UGT8: variants seen among roughly 807,000 people sequenced by gnomAD.
The protein encoded by UGT8 is UDP glycosyltransferase 8, also known as 2-hydroxyacylsphingosine 1-beta-galactosyltransferase.
In UGT8, 12 loss-of-function variants were observed where a neutral mutation model predicts 40.5. The ratio of observed to expected loss-of-function variants is 0.30; its 90% CI spans 0.19 to 0.48. The LOEUF (loss-of-function observed/expected upper bound fraction) is 0.48. Ranked by LOEUF, UGT8 falls within the 20% of genes least tolerant of loss-of-function variation. The probability of loss-of-function intolerance (pLI) is 0.99; values close to 1 mark genes in which losing one functional copy is unlikely to be tolerated. For missense variants in UGT8, 513 were observed against 648.7 expected (o/e 0.79, Z 2.27); for synonymous variants, 224 against 240.4 (o/e 0.93, Z 0.63).
chr4:114,652,583 C>G (rs1369132517), intron 2 of UGT8, among the ~76,000 whole-genome samples: 2 of 151,876 alleles, frequency 1.3e-5, no homozygotes, highest in Non-Finnish European at 1.5e-5. Flanking sequence ...CAAAGACATA[C>G]CTCTATTACA....
At chr4:114,601,773 C>T (rs1730456338) in intron 1 of UGT8, among the ~76,000 whole-genome samples, 1 of 150,854 alleles carries the variant, frequency 6.6e-6, no homozygotes, top group African/African-American at 2.4e-5. Flanking sequence ...TAAATGGTCT[C>T]AGCCTGCTGG....
chr4:114,616,686 G>A (rs912481062), intron 1 of UGT8, among the ~76,000 whole-genome samples: 8 of 152,102 alleles, frequency 5.3e-5, no homozygotes, highest in South Asian at 2.1e-4. Flanking sequence ...CGTCTTCTGC[G>A]TCACTCATGC....
chr4:114,630,435 C>G (rs896325866), intron 2 of UGT8, among the ~76,000 whole-genome samples: 8 of 152,164 alleles, frequency 5.3e-5, no homozygotes, highest in Non-Finnish European at 1.5e-5. Context: ...TACTCTATTA[C>G]TCTTATTATT....
chr4:114,628,342 G>T (rs1327180168), intron 2 of UGT8, among the ~76,000 whole-genome samples: 1 of 152,184 alleles, frequency 6.6e-6, no homozygotes, highest in East Asian at 1.9e-4. Flanking sequence ...GTTTCGATAT[G>T]TTGGCCAGGA....
chr4:114,633,485 G>A (rs1645418356), intron 2 of UGT8, among the ~76,000 whole-genome samples: 1 of 152,210 alleles, frequency 6.6e-6, no homozygotes, highest in African/African-American at 2.4e-5. Context: ...AGAAAGATCA[G>A]TGGGGGCTGA....
At chr4:114,644,030 CT>C (rs1408948750) in intron 2 of UGT8, among the ~76,000 whole-genome samples, 1 of 151,736 alleles carries the variant, frequency 6.6e-6, no homozygotes, top group Non-Finnish European at 1.5e-5. Flanking sequence ...GCCATGGTGC[CT>C]TTCTTCTCTG....
chr4:114,668,064 T>A (rs2126135565), intron 4 of UGT8, 21 bp from the exon 5 acceptor site: 1 of 1,610,172 alleles, frequency 6.2e-7, no homozygotes, highest in East Asian at 2.2e-5. Context: ...GTAAGTTGTT[T>A]TCTTTTTCAT....
chr4:114,628,197 T>C (rs1267593652), intron 2 of UGT8, among the ~76,000 whole-genome samples: 1 of 152,134 alleles, frequency 6.6e-6, no homozygotes, highest in Non-Finnish European at 1.5e-5. Flanking sequence ...TGAAGTGCAG[T>C]GGCATGATCT....
At chr4:114,651,604 T>A (rs1025256601) in intron 2 of UGT8, among the ~76,000 whole-genome samples, 2 of 152,120 alleles carry the variant, frequency 1.3e-5, no homozygotes, top group Non-Finnish European at 2.9e-5. Context: ...CTCTTTAACA[T>A]GCTCACTGTT....
At chr4:114,646,055 G>A (rs990880020) in intron 2 of UGT8, among the ~76,000 whole-genome samples, 2 of 152,112 alleles carry the variant, frequency 1.3e-5, no homozygotes, top group Non-Finnish European at 2.9e-5. Flanking sequence ...GTATTGCAGA[G>A]TATCTATTTA....
At chr4:114,655,307 C>T (rs969874489) in intron 2 of UGT8, among the ~76,000 whole-genome samples, 1 of 151,882 alleles carries the variant, frequency 6.6e-6, no homozygotes, top group Non-Finnish European at 1.5e-5. Flanking sequence ...ATATGCATGC[C>T]ATTGCAGACC....
Position 114,623,032 on chromosome 4 carries a change from A to G in UGT8, c.152A>G (p.His51Arg), listed in dbSNP as rs370760289. ...TCAGCCTTGCACGAGAGAGGCCACCATACAGTGTTCCTCCTCTCTGAAGGC... is the reference window on the plus strand; with the variant it reads ...TCAGCCTTGCACGAGAGAGGCCACCGTACAGTGTTCCTCCTCTCTGAAGGC... Reference protein sequence around the residue: ...LASALHERGHHTVFLLSEGRD... With the variant: ...LASALHERGHRTVFLLSEGRD... Residue 51 changes from histidine to arginine, a missense_variant, in exon 2 of 6, where the codon CAT (histidine) becomes CGT (arginine). His to Arg is a conservative substitution (Grantham distance 29). This residue lies in a region of UGT8 where 335 missense variants were observed against 444.8 expected (regional missense o/e 0.75). Transcript: ENST00000310836. 1.2e-6 allele frequency: 2 copies of G among 1,614,092 alleles called. No individual in the cohort carries two copies. The highest frequency in any genetic ancestry group is 2.2e-5 in the East Asian group (1 of 44,862).
chr4:114,620,193 A>C (rs1238490515), intron 1 of UGT8, among the ~76,000 whole-genome samples: 1 of 152,192 alleles, frequency 6.6e-6, no homozygotes, highest in Non-Finnish European at 1.5e-5. Context: ...AAGTAGTTTT[A>C]ACTGTAACTG....
intron 3 of UGT8, among the ~76,000 whole-genome samples, chr4:114,664,894 T>C (rs1413077548): frequency 1.3e-5 from 2 of 152,192 alleles, no homozygotes; most frequent in East Asian, 3.9e-4. Context: ...CTTTGAGTAA[T>C]AGAGATTTTC....
chr4:114,633,954 G>A (rs76887674), intron 2 of UGT8, among the ~76,000 whole-genome samples: 35 of 151,886 alleles, frequency 2.3e-4, no homozygotes, highest in Non-Finnish European at 4.7e-4. Context: ...AAAAAAAAAG[G>A]ATCACTCTGG....
chr4:114,614,840 C>CTT (rs68162513), intron 1 of UGT8, among the ~76,000 whole-genome samples: 178 of 98,476 alleles, frequency 1.8e-3, no homozygotes, highest in African/African-American at 5.8e-3. Context: ...AGGTGCCAGA[C>CTT]TTTTTTTTTT....
chr4:114,652,172 G>A (rs373266382), intron 2 of UGT8, among the ~76,000 whole-genome samples: 2 of 152,058 alleles, frequency 1.3e-5, no homozygotes, highest in South Asian at 4.1e-4. Flanking sequence ...GTTGAAGTTA[G>A]CATTTGAGCT....
chr4:114,674,408 C>G (rs926691334), intron 5 of UGT8, among the ~76,000 whole-genome samples: 1 of 152,288 alleles, frequency 6.6e-6, no homozygotes, highest in South Asian at 2.1e-4. Flanking sequence ...TTCTACTACA[C>G]CATTTCCCTT....
intron 1 of UGT8, among the ~76,000 whole-genome samples, chr4:114,606,397 A>T (rs1305770831): frequency 6.6e-6 from 1 of 152,164 alleles, no homozygotes; most frequent in East Asian, 1.9e-4. Flanking sequence ...GCTCCACAGC[A>T]GGCCCTTCCT....
Sources: allele counts gnomAD v4.1 joint callset (sites outside exome capture counted in the v4.1 genomes callset), GRCh38; gene constraint gnomAD v4.1.1; regional missense constraint gnomAD v4.1.1; transcripts MANE v1.5; gene names NCBI Gene and HGNC (gene_info 2026-07-23, HGNC 2026-07-21).